The following BLTP3B variants were observed in gnomAD, a reference collection of about 807,000 sequenced individuals.
The protein encoded by BLTP3B is UHRF1 (ICBP90) binding protein 1-like.
the BLTP3B span, among the ~76,000 whole-genome samples, chr12:100,080,686 A>G: frequency 1.3e-5 from 2 of 152,216 alleles, no homozygotes; most frequent in Non-Finnish European, 2.9e-5. Context: ...CATAGGCAGA[A>G]GGGACTTGTC....
chr12:100,141,559 T>TC, the BLTP3B span, among the ~76,000 whole-genome samples: 26 of 152,154 alleles, frequency 1.7e-4, no homozygotes, highest in African/African-American at 6.0e-4. Flanking sequence ...AGAATTCTGT[T>TC]CCCAATATAT....
chr12:100,132,475 G>A, the BLTP3B span, among the ~76,000 whole-genome samples: 2 of 152,112 alleles, frequency 1.3e-5, no homozygotes, highest in Non-Finnish European at 2.9e-5. Context: ...ACGTGCGTAG[G>A]TTGTTATAAA....
chr12:100,047,413 A>T, the BLTP3B span: 1 of 675,624 alleles, frequency 1.5e-6, no homozygotes, highest in Non-Finnish European at 2.5e-6. Flanking sequence ...TAGGAGAATC[A>T]CTCGAACCAG....
At chr12:100,110,141 T>C in the BLTP3B span, among the ~76,000 whole-genome samples, 1 of 152,226 alleles carries the variant, frequency 6.6e-6, no homozygotes, top group African/African-American at 2.4e-5. Flanking sequence ...GAGTTAGTCT[T>C]TACTTTTTTT....
chr12:100,092,466 T>C, the BLTP3B span, among the ~76,000 whole-genome samples: 3 of 152,150 alleles, frequency 2.0e-5, no homozygotes, highest in Non-Finnish European at 4.4e-5. Context: ...TAGGAAAAAG[T>C]ACATATGCTG....
the BLTP3B span, among the ~76,000 whole-genome samples, chr12:100,103,669 A>G: frequency 6.6e-6 from 1 of 152,186 alleles, no homozygotes; most frequent in South Asian, 2.1e-4. Flanking sequence ...AAATGATGCA[A>G]TAAAATACTA....
At chr12:100,097,928 C>T in the BLTP3B span, among the ~76,000 whole-genome samples, 1 of 152,052 alleles carries the variant, frequency 6.6e-6, no homozygotes, top group Admixed American at 6.6e-5. Context: ...AAGAGTAATA[C>T]AGAGAGCTGG....
the BLTP3B span, among the ~76,000 whole-genome samples, chr12:100,098,102 A>G: frequency 1.3e-5 from 2 of 152,054 alleles, no homozygotes; most frequent in Non-Finnish European, 2.9e-5. Context: ...TGTTAGTCCC[A>G]GCTACTCAAG....
chr12:100,059,721 A>G, the BLTP3B span: 6 of 1,134,046 alleles, frequency 5.3e-6, no homozygotes, highest in South Asian at 9.7e-5. Flanking sequence ...GACTTACATG[A>G]CCACTAAGAA....
At chr12:100,061,341 C>A in the BLTP3B span, among the ~76,000 whole-genome samples, 1 of 152,290 alleles carries the variant, frequency 6.6e-6, no homozygotes, top group African/African-American at 2.4e-5. Flanking sequence ...GAAAAAGGAA[C>A]CCAGGACACT....
chr12:100,067,868 C>T, the BLTP3B span, among the ~76,000 whole-genome samples: 10 of 152,112 alleles, frequency 6.6e-5, no homozygotes, highest in African/African-American at 2.4e-4. Context: ...CGAATGGAAA[C>T]ACATCCCAAT....
chr12:100,039,536 G>T, the BLTP3B span: 2 of 1,431,790 alleles, frequency 1.4e-6, no homozygotes, highest in South Asian at 1.3e-5. Flanking sequence ...TTAACTATTA[G>T]TATCTTAATA....
At chr12:100,126,392 A>C in the BLTP3B span, among the ~76,000 whole-genome samples, 2 of 152,056 alleles carry the variant, frequency 1.3e-5, no homozygotes, top group Non-Finnish European at 2.9e-5. Context: ...TAACCTACAC[A>C]TCAATGTTTT....
At chr12:100,051,649 G>A in the BLTP3B span, 2 of 153,156 alleles carry the variant, frequency 1.3e-5, no homozygotes, top group African/African-American at 2.4e-5. Context: ...ATGGCCCAGG[G>A]AAAATACCTG....
the BLTP3B span, chr12:100,039,548 C>G: frequency 1.3e-6 from 2 of 1,498,036 alleles, no homozygotes; most frequent in Non-Finnish European, 1.8e-6. Flanking sequence ...ATCTTAATAC[C>G]TAGTTATTTA....
the BLTP3B span, chr12:100,083,120 G>A: frequency 6.2e-7 from 1 of 1,613,208 alleles, no homozygotes; most frequent in Non-Finnish European, 8.5e-7. Flanking sequence ...GTCCCTTTCA[G>A]AGGGTAGTCC....
chr12:100,059,134 G>A, the BLTP3B span: 1 of 1,614,066 alleles, frequency 6.2e-7, no homozygotes, highest in Admixed American at 1.7e-5. Flanking sequence ...AAACTTATTG[G>A]CCGTCCTTTT....
At chr12:100,039,229 A>G in the BLTP3B span, among the ~76,000 whole-genome samples, 1 of 152,324 alleles carries the variant, frequency 6.6e-6, no homozygotes, top group East Asian at 1.9e-4. Context: ...AAATGATAGC[A>G]TACCCAAAAC....
At chr12:100,043,074 C>T in the BLTP3B span, among the ~76,000 whole-genome samples, 6 of 152,322 alleles carry the variant, frequency 3.9e-5, no homozygotes, top group South Asian at 1.0e-3. Flanking sequence ...GCTGAGATTA[C>T]AGGCGTGAGC....
Sources: allele counts gnomAD v4.1 joint callset (sites outside exome capture counted in the v4.1 genomes callset), GRCh38; gene constraint gnomAD v4.1.1; transcripts MANE v1.5; gene names NCBI Gene and HGNC (gene_info 2026-07-23, HGNC 2026-07-21).